Variants in NFATC3 observed in about 807,000 individuals in gnomAD.
NFATC3 encodes the protein nuclear factor of activated T-cells, cytoplasmic 3.
Under a neutral mutation model 98.6 loss-of-function variants are expected in NFATC3, and 46 were observed. The ratio of observed to expected loss-of-function variants is 0.47; its 90% CI spans 0.37 to 0.60. The LOEUF (loss-of-function observed/expected upper bound fraction) is 0.60. NFATC3 is among the 20% of genes least tolerant of loss of function. The pLI is 0.00. For synonymous variants in NFATC3, 512 were observed against 472.2 expected, an observed-to-expected ratio of 1.08 and a Z score of -1.09; for missense variants, 1,256 against 1,295.5, an observed-to-expected ratio of 0.97 and a Z score of 0.47.
chr16:68,220,592 T>C (rs1446699530), intron 9 of NFATC3, among the ~76,000 whole-genome samples: 1 of 150,286 alleles, frequency 6.7e-6, no homozygotes, highest in Non-Finnish European at 1.5e-5. Context: ...AGTTTATTTT[T>C]CCTTTTTTTT....
chr16:68,146,737 C>A (rs1380003315), intron 3 of NFATC3, among the ~76,000 whole-genome samples: 2 of 152,202 alleles, frequency 1.3e-5, no homozygotes, highest in Admixed American at 1.3e-4. Flanking sequence ...AGGCTTTAAC[C>A]CTCCAGCTTT....
intron 9 of NFATC3, among the ~76,000 whole-genome samples, chr16:68,224,362 C>T (rs2041971308): frequency 6.6e-6 from 1 of 150,972 alleles, no homozygotes; most frequent in Non-Finnish European, 1.5e-5. Context: ...CTGCAACCTC[C>T]ACCCGCCGGG....
intron 9 of NFATC3, 78 bp downstream of exon 9, chr16:68,191,853 C>A: frequency 6.9e-7 from 1 of 1,454,914 alleles, no homozygotes; most frequent in Non-Finnish European, 9.5e-7. Context: ...GAAAAAGTTT[C>A]TATGGATTGC....
chr16:68,142,658 T>C (rs2037817901), intron 3 of NFATC3, among the ~76,000 whole-genome samples: 1 of 151,976 alleles, frequency 6.6e-6, no homozygotes, highest in African/African-American at 2.4e-5. Flanking sequence ...CTTGGGAGGC[T>C]GAGGCATGAG....
At chr16:68,139,506 T>C (rs1198506533) in intron 3 of NFATC3, among the ~76,000 whole-genome samples, 3 of 152,162 alleles carry the variant, frequency 2.0e-5, no homozygotes, top group East Asian at 3.8e-4. Context: ...GCTAGTGATA[T>C]GTGAAAATGG....
intron 9 of NFATC3, among the ~76,000 whole-genome samples, chr16:68,210,505 T>C (rs1391045286): frequency 6.6e-6 from 1 of 152,032 alleles, no homozygotes; most frequent in Non-Finnish European, 1.5e-5. Context: ...AACACTTTTC[T>C]GCATCTATCG....
intron 8 of NFATC3, among the ~76,000 whole-genome samples, chr16:68,185,642 G>A (rs368667344): frequency 6.6e-5 from 10 of 152,106 alleles, no homozygotes; most frequent in African/African-American, 1.9e-4. Context: ...TTGGGAGGCC[G>A]AGGTGGGCGG....
chr16:68,217,607 A>G (rs2041687863), intron 9 of NFATC3: 1 of 1,223,428 alleles, frequency 8.2e-7, no homozygotes, highest in African/African-American at 1.6e-5. Flanking sequence ...AAGTGAGTAT[A>G]ATGGAGATCC....
intron 1 of NFATC3, among the ~76,000 whole-genome samples, chr16:68,101,363 C>G (rs920677662): frequency 6.6e-6 from 1 of 152,312 alleles, no homozygotes. Context: ...AGGCTTGTCT[C>G]AAACTGTAGG....
At chr16:68,206,027 A>T (rs552330942) in intron 9 of NFATC3, among the ~76,000 whole-genome samples, 1 of 151,564 alleles carries the variant, frequency 6.6e-6, no homozygotes, top group Non-Finnish European at 1.5e-5. Context: ...TTACTTTTCT[A>T]TTAGATTGTT....
chr16:68,208,910 C>G (rs960470924), intron 9 of NFATC3, among the ~76,000 whole-genome samples: 1 of 152,122 alleles, frequency 6.6e-6, no homozygotes, highest in African/African-American at 2.4e-5. Context: ...TATGTTTATA[C>G]TATCATGCCA....
intron 1 of NFATC3, among the ~76,000 whole-genome samples, chr16:68,100,695 T>C (rs2035297083): frequency 1.4e-5 from 2 of 147,504 alleles, no homozygotes; most frequent in African/African-American, 5.2e-5. Context: ...ATTAACACCT[T>C]TTTTTTTTAA....
intron 2 of NFATC3, 27 bp from the exon 3 acceptor site, chr16:68,126,421 A>G (rs1290166698): frequency 1.3e-6 from 2 of 1,593,550 alleles, no homozygotes; most frequent in South Asian, 1.1e-5. Flanking sequence ...GCATGGTGAC[A>G]TGCATCTTTG....
rs1005484404 is a variant in NFATC3, at chr16:68,122,077, A to G, written c.194A>G (p.His65Arg). 5 of 1,613,816 alleles carry G rather than the reference A, an allele frequency of 3.1e-6. No individual in the cohort carries two copies. The highest frequency in any genetic ancestry group is 1.1e-5 in the South Asian group (1 of 91,086). ...ACCACACCACTTTGCTTACCACATC[A>G]TGGATTACCGTCTCACTCTTCTGTT... is the stretch of plus-strand genomic sequence containing the variant. The part of the protein sequence containing the change: ...TLTTPLCLPH[H>R]GLPSHSSVLS... Residue 65 changes from histidine (H) to arginine (R), a missense_variant, in exon 2 of 10, where the codon CAT becomes CGT. Transcript: ENST00000346183.
rs1045382440 is a variant in NFATC3 at position 68,227,357 on chromosome 16, C to G, written c.*886C>G. The G allele has an allele frequency of 1.3e-5, 2 of 152,112 alleles. No individual in the cohort carries two copies. Among genetic ancestry groups the G allele is most frequent in the Admixed American group, 1.3e-4 (2 of 15,262 alleles). The allele number at this position is 152,112 out of a possible 1,614,324, so 9.4% of individuals were successfully genotyped here. ...TGTTTGTGTCATCTGGTCGTAGAACCTTTTCCAAACAGAAGCATCTGCCTT... is the reference window on the plus strand; with the variant it reads ...TGTTTGTGTCATCTGGTCGTAGAACGTTTTCCAAACAGAAGCATCTGCCTT... On this transcript the variant is annotated 3_prime_UTR_variant, in exon 10 of 10. Transcript: ENST00000346183.
intron 9 of NFATC3, among the ~76,000 whole-genome samples, chr16:68,201,671 C>A (rs2040921716): frequency 6.6e-6 from 1 of 151,086 alleles, no homozygotes; most frequent in African/African-American, 2.4e-5. Context: ...ATTATAGCGG[C>A]CAGACACAGT....
intron 3 of NFATC3, among the ~76,000 whole-genome samples, chr16:68,131,623 C>A (rs2037117748): frequency 6.6e-6 from 1 of 151,170 alleles, no homozygotes; most frequent in South Asian, 2.1e-4. Context: ...AGAAACAAGC[C>A]AGCAGATACC....
At chr16:68,217,761 G>C in intron 9 of NFATC3, 1 of 1,231,604 alleles carries the variant, frequency 8.1e-7, no homozygotes, top group Non-Finnish European at 1.0e-6. Context: ...CTTAGCCCGA[G>C]GAAGGGATGG....
At chr16:68,150,464 C>A (rs1029129383) in intron 3 of NFATC3, among the ~76,000 whole-genome samples, 1 of 149,670 alleles carries the variant, frequency 6.7e-6, no homozygotes, top group East Asian at 2.0e-4. Flanking sequence ...CTCCTGATGT[C>A]CTAGCTACTC....
Sources: gnomAD v4.1 joint callset for allele counts (sites outside exome capture counted in the v4.1 genomes callset) on GRCh38, gnomAD v4.1.1 for gene constraint, MANE v1.5 for transcripts, NCBI Gene and HGNC (gene_info 2026-07-23, HGNC 2026-07-21) for gene names.